The following SEMA3A variants were observed in gnomAD, a reference collection of about 807,000 sequenced individuals.
SEMA3A encodes semaphorin 3A, also known as semaphorin-3A.
Under a neutral mutation model 97.9 loss-of-function variants are expected in SEMA3A, and 29 were observed. That is an observed-to-expected ratio of 0.30 (90% CI 0.22 to 0.40). The LOEUF (loss-of-function observed/expected upper bound fraction) is 0.40, where lower values mean the gene tolerates loss of function less well. Ranked by LOEUF, SEMA3A falls within the 10% of genes least tolerant of loss-of-function variation. The probability of loss-of-function intolerance (pLI) is 1.00; values close to 1 mark genes in which losing one functional copy is unlikely to be tolerated. For synonymous variants in SEMA3A, 321 were observed against 323.7 expected, an observed-to-expected ratio of 0.99 and a Z score of 0.09; for missense variants, 763 against 951.3, an observed-to-expected ratio of 0.80 and a Z score of 2.60.
chr7:83,973,378 TCAG>T (rs1788997636), intron 15 of SEMA3A, among the ~76,000 whole-genome samples: 1 of 152,086 alleles, frequency 6.6e-6, no homozygotes, highest in Non-Finnish European at 1.5e-5. Context: ...CTGACCATCT[TCAG>T]CAGTTTTTTT....
chr7:84,114,503 T>G (rs976784416), intron 3 of SEMA3A, among the ~76,000 whole-genome samples: 2 of 152,148 alleles, frequency 1.3e-5, no homozygotes, highest in African/African-American at 4.8e-5. Context: ...TAGAAATATT[T>G]TGGTGCATAA....
Position 84,150,937 on chromosome 7 carries a change from C to A in SEMA3A, c.113-15986G>T, listed in dbSNP as rs934834774. Among the ~76,000 whole-genome samples the A allele has an allele frequency of 1.1e-3, 165 of 149,516 alleles. 1 individual carries two copies. The East Asian group carries it at 0.013, about 12-fold the overall frequency. On this transcript the variant is annotated intron_variant, in intron 1 of 16. Coordinates refer to ENST00000265362, the MANE Select transcript of SEMA3A (RefSeq NM_006080.3). ...CCTCAAGTGGGTCCCTGACCCCTGA[C>A]CCCTGAGCAGCCTAACTGGGAGGCA... is the stretch of plus-strand genomic sequence containing the variant.
intron 3 of SEMA3A, among the ~76,000 whole-genome samples, chr7:84,204,164 T>G (rs1798429809): frequency 6.6e-6 from 1 of 152,330 alleles, no homozygotes; most frequent in Admixed American, 6.5e-5. Context: ...GGTAATATTC[T>G]ATTTTTTTAA....
intron 2 of SEMA3A, among the ~76,000 whole-genome samples, chr7:84,338,375 AAATT>A (rs1160169109): frequency 1.3e-5 from 2 of 151,288 alleles, no homozygotes; most frequent in African/African-American, 4.8e-5. Context: ...GTTAAACCAT[AAATT>A]AATTAATTGT....
In SEMA3A at chr7:84,411,567, TTA is replaced by T. The variant is rs60469024; in HGVS notation, c.-245-39669_-245-39668del. On this transcript the variant is annotated intron_variant, in intron 1 of 3. Coordinates refer to the SEMA3A transcript ENST00000424555. ...TTAAAATATTGACATTTGGGTATAA[TTA>T]TATATATATATATTCATATTCTAGT... 7.8e-4 allele frequency among the ~76,000 whole-genome samples: 116 copies of T among 149,218 alleles called. 1 individual carries two copies. The highest frequency in any genetic ancestry group is 2.4e-3 in the African/African-American group (96 of 40,824).
intron 3 of SEMA3A, among the ~76,000 whole-genome samples, chr7:84,301,711 TC>T (rs1801020882): frequency 6.6e-6 from 1 of 152,168 alleles, no homozygotes. Context: ...AGCAGCTTGT[TC>T]ATAAACGAAT....
intron 3 of SEMA3A, among the ~76,000 whole-genome samples, chr7:84,236,033 C>T (rs1799228702): frequency 6.6e-6 from 1 of 152,102 alleles, no homozygotes; most frequent in Non-Finnish European, 1.5e-5. Flanking sequence ...AGGCACATGC[C>T]TAATTGGCTA....
chr7:84,085,579 T>C (rs1406225036), intron 4 of SEMA3A, among the ~76,000 whole-genome samples: 1 of 152,080 alleles, frequency 6.6e-6, no homozygotes, highest in African/African-American at 2.4e-5. Flanking sequence ...AAAATGTTTA[T>C]TTTTTTGCAA....
chr7:84,062,818 T>C (rs758139437), intron 4 of SEMA3A, among the ~76,000 whole-genome samples: 1 of 151,610 alleles, frequency 6.6e-6, no homozygotes, highest in African/African-American at 2.4e-5. Flanking sequence ...GAGATCAAAC[T>C]ACAAGGCCGC....
At chr7:84,170,855 A>G (rs894940516) in intron 1 of SEMA3A, among the ~76,000 whole-genome samples, 3 of 152,082 alleles carry the variant, frequency 2.0e-5, no homozygotes, top group East Asian at 1.9e-4. Context: ...GGCTGCTTTT[A>G]TAACACTCAT....
chr7:84,026,149 T>C (rs1423397799), intron 6 of SEMA3A, among the ~76,000 whole-genome samples: 3 of 152,160 alleles, frequency 2.0e-5, no homozygotes, highest in Non-Finnish European at 2.9e-5. Flanking sequence ...GGCTTTGGGA[T>C]ATTGGACTTA....
Position 83,980,687 on chromosome 7 carries a change from CACATAT to C in SEMA3A, c.1652+628_1652+633del, listed in dbSNP as rs532672164. ...ATATACACATATACATATAGATATA[CACATAT>C]ACATATATATTGCATATGCACAGAT... On this transcript the variant is annotated intron_variant, in intron 14 of 16. Transcript: ENST00000265362. 3.0e-3 allele frequency among the ~76,000 whole-genome samples: 430 copies of C among 145,042 alleles called. 2 individuals are homozygous for C. Among genetic ancestry groups the C allele is most frequent in the Middle Eastern group, 0.015 (4 of 260 alleles).
At chr7:83,991,028 C>A (rs1291948199) in intron 12 of SEMA3A, among the ~76,000 whole-genome samples, 1 of 151,058 alleles carries the variant, frequency 6.6e-6, no homozygotes, top group Non-Finnish European at 1.5e-5. Flanking sequence ...TTAAAGAGGT[C>A]CTTCACATCC....
intron 1 of SEMA3A, among the ~76,000 whole-genome samples, chr7:84,151,434 A>G (rs1271383537): frequency 1.3e-5 from 2 of 151,920 alleles, no homozygotes; most frequent in South Asian, 2.1e-4. Context: ...CGAGAACTAC[A>G]TGAAGAATGC....
At chr7:84,419,215 A>G (rs1804520999) in intron 1 of SEMA3A, among the ~76,000 whole-genome samples, 1 of 152,140 alleles carries the variant, frequency 6.6e-6, no homozygotes, top group Non-Finnish European at 1.5e-5. Flanking sequence ...GATGTAGTCT[A>G]TATCCCTAAG....
intron 1 of SEMA3A, among the ~76,000 whole-genome samples, chr7:84,173,913 C>G (rs943237593): frequency 2.0e-5 from 3 of 152,104 alleles, no homozygotes; most frequent in African/African-American, 7.2e-5. Context: ...ATGTGAGGGA[C>G]CTAGGTTGCA....
chr7:84,424,648 T>C (rs1252505484), intron 1 of SEMA3A, among the ~76,000 whole-genome samples: 24 of 94,806 alleles, frequency 2.5e-4, no homozygotes, highest in African/African-American at 9.9e-4. Flanking sequence ...ATATATTATA[T>C]TTATATATTA....
chr7:84,381,796 G>A (rs1225322124), intron 1 of SEMA3A, among the ~76,000 whole-genome samples: 1 of 152,154 alleles, frequency 6.6e-6, no homozygotes, highest in Non-Finnish European at 1.5e-5. Flanking sequence ...AACCTCAGTA[G>A]CAAATACAGT....
intron 1 of SEMA3A, among the ~76,000 whole-genome samples, chr7:84,404,196 T>C (rs1206224065): frequency 2.0e-5 from 3 of 152,086 alleles, no homozygotes; most frequent in African/African-American, 7.2e-5. Flanking sequence ...GAGAAGTCCT[T>C]CAAGGACCTG....
Sources: allele counts gnomAD v4.1 joint callset (sites outside exome capture counted in the v4.1 genomes callset), GRCh38; gene constraint gnomAD v4.1.1; transcripts MANE v1.5; gene names NCBI Gene and HGNC (gene_info 2026-07-23, HGNC 2026-07-21).